The following FIGN variants were observed in gnomAD, a reference collection of about 807,000 sequenced individuals.
FIGN encodes the protein fidgetin.
FIGN carries 11 observed loss-of-function variants against 51.3 expected under a neutral mutation model. That is an observed-to-expected ratio of 0.21 (90% CI 0.13 to 0.35). The LOEUF (loss-of-function observed/expected upper bound fraction) is 0.35, where lower values mean the gene tolerates loss of function less well. Ranked by LOEUF, FIGN falls within the 10% of genes least tolerant of loss-of-function variation. The pLI is 1.00. For synonymous variants in FIGN, 407 were observed against 363.2 expected, an observed-to-expected ratio of 1.12 and a Z score of -1.37; for missense variants, 857 against 943.6, an observed-to-expected ratio of 0.91 and a Z score of 1.20.
At chr2:163,711,109 G>A (rs1684581721) in intron 2 of FIGN, among the ~76,000 whole-genome samples, 1 of 152,050 alleles carries the variant, frequency 6.6e-6, no homozygotes, top group Non-Finnish European at 1.5e-5. Context: ...TACTCCAAAG[G>A]CATTCCCTGT....
chr2:163,665,758 A>G (rs1683762850), intron 2 of FIGN, among the ~76,000 whole-genome samples: 1 of 152,214 alleles, frequency 6.6e-6, no homozygotes, highest in Admixed American at 6.5e-5. Context: ...GGCTTTTGAC[A>G]ACAGAAAATC....
At chr2:163,660,489 A>T (rs1366943995) in intron 2 of FIGN, among the ~76,000 whole-genome samples, 1 of 151,736 alleles carries the variant, frequency 6.6e-6, no homozygotes, top group South Asian at 2.1e-4. Context: ...TACCTGCAAC[A>T]TACAAAGAGA....
At chr2:163,614,968 A>G (rs1034418396) in intron 2 of FIGN, among the ~76,000 whole-genome samples, 2 of 152,170 alleles carry the variant, frequency 1.3e-5, no homozygotes, top group African/African-American at 4.8e-5. Context: ...GTTTAAATAG[A>G]GTGTCCATTT....
rs142442011 is a variant in FIGN, at chr2:163,621,926, C to T, written c.26-10120G>A. Among the ~76,000 whole-genome samples the T allele has an allele frequency of 5.0e-3, 761 of 152,204 alleles. 4 individuals are homozygous for T. The highest frequency in any genetic ancestry group is 8.8e-3 in the Admixed American group (134 of 15,268). On this transcript the variant is annotated intron_variant, in intron 2 of 2. Coordinates refer to ENST00000333129, the MANE Select transcript of FIGN (RefSeq NM_018086.4). Reference sequence around the variant, plus strand: ...GAGACTGCAAGTAAAGAAATTGTTTCTTGAGATCCCATCTCTGCACAATTT... The same window carrying T: ...GAGACTGCAAGTAAAGAAATTGTTTTTTGAGATCCCATCTCTGCACAATTT...
chr2:163,726,799 T>C (rs1041561987), intron 2 of FIGN, among the ~76,000 whole-genome samples: 3 of 152,094 alleles, frequency 2.0e-5, no homozygotes, highest in Non-Finnish European at 4.4e-5. Context: ...AAGCACTTAG[T>C]TTGCAAACAA....
At chr2:163,658,831 C>T (rs1683606099) in intron 2 of FIGN, among the ~76,000 whole-genome samples, 1 of 152,184 alleles carries the variant, frequency 6.6e-6, no homozygotes, top group South Asian at 2.1e-4. Flanking sequence ...CATATCCAAA[C>T]CACAGTGCTT....
At position 163,610,179 on chromosome 2, in the gene FIGN, G is replaced by A. The variant is rs1019669114; in HGVS notation, c.1653C>T (p.Ala551=). ...SQLGATFFKI[A]GSGLVAKWLG... is the part of the protein sequence containing the mutation. ...ACCACTTGGCGACTAGTCCAGAACC[G>A]GCAATTTTGAAAAATGTGGCCCCCA... Residue 551 remains alanine, a synonymous_variant, in exon 3 of 3, where the codon GCC becomes GCT. Coordinates refer to ENST00000333129, the MANE Select transcript of FIGN (RefSeq NM_018086.4). The A allele has an allele frequency of 6.2e-6, 10 of 1,614,052 alleles. No individual in the cohort carries two copies. Among genetic ancestry groups the A allele is most frequent in the East Asian group, 4.5e-5 (2 of 44,846 alleles).
chr2:163,632,831 A>G (rs1401041325), intron 2 of FIGN, among the ~76,000 whole-genome samples: 1 of 152,136 alleles, frequency 6.6e-6, no homozygotes, highest in Non-Finnish European at 1.5e-5. Flanking sequence ...CTACTAATTT[A>G]TGATTAAAAG....
chr2:163,618,804 C>T (rs1285595798), intron 2 of FIGN, among the ~76,000 whole-genome samples: 1 of 152,148 alleles, frequency 6.6e-6, no homozygotes, highest in Non-Finnish European at 1.5e-5. Context: ...TACCAGGTCA[C>T]ACAGGCATTT....
intron 2 of FIGN, among the ~76,000 whole-genome samples, chr2:163,730,238 T>C (rs1684904465): frequency 6.6e-6 from 1 of 152,200 alleles, no homozygotes; most frequent in Non-Finnish European, 1.5e-5. Context: ...TGAAAGAAAA[T>C]TGCCATTTAA....
chr2:163,729,810 T>C (rs1684897102), intron 2 of FIGN, among the ~76,000 whole-genome samples: 1 of 152,198 alleles, frequency 6.6e-6, no homozygotes, highest in Non-Finnish European at 1.5e-5. Context: ...TACATCTAAA[T>C]TGAAATTCTC....
At chr2:163,727,027 C>A (rs910345695) in intron 2 of FIGN, among the ~76,000 whole-genome samples, 1 of 151,420 alleles carries the variant, frequency 6.6e-6, no homozygotes, top group Admixed American at 6.6e-5. Context: ...TGAATCATAC[C>A]GAATTAAGAT....
chr2:163,693,876 A>G (rs1304125152), intron 2 of FIGN, among the ~76,000 whole-genome samples: 1 of 152,210 alleles, frequency 6.6e-6, no homozygotes, highest in Non-Finnish European at 1.5e-5. Context: ...TACCACATCA[A>G]ACAAACTGAG....
intron 2 of FIGN, among the ~76,000 whole-genome samples, chr2:163,672,353 GA>G (rs1683890620): frequency 6.6e-6 from 1 of 152,032 alleles, no homozygotes; most frequent in Admixed American, 6.6e-5. Context: ...GTAACTCTAT[GA>G]TATAAGCTTC....
intron 2 of FIGN, among the ~76,000 whole-genome samples, chr2:163,711,955 C>T (rs1168183720): frequency 6.6e-6 from 1 of 152,048 alleles, no homozygotes; most frequent in African/African-American, 2.4e-5. Context: ...CTGGAATAAG[C>T]ATGAAAGCTG....
intron 2 of FIGN, among the ~76,000 whole-genome samples, chr2:163,625,268 G>A (rs1001974842): frequency 1.3e-5 from 2 of 151,822 alleles, no homozygotes; most frequent in African/African-American, 2.4e-5. Context: ...TTATCATTAA[G>A]AGGAAAAATG....
chr2:163,725,313 G>T (rs779200749), intron 2 of FIGN, among the ~76,000 whole-genome samples: 2 of 152,026 alleles, frequency 1.3e-5, no homozygotes, highest in African/African-American at 4.8e-5. Flanking sequence ...TACACAGCTA[G>T]GTAGGTAGGA....
chr2:163,628,126 T>C (rs1321056537), intron 2 of FIGN, among the ~76,000 whole-genome samples: 1 of 152,178 alleles, frequency 6.6e-6, no homozygotes, highest in Non-Finnish European at 1.5e-5. Flanking sequence ...CCTACTATTA[T>C]GTGAGAATCT....
chr2:163,609,870 G>C lies in FIGN; in HGVS notation c.1962C>G (p.Asp654Glu). ...CTATTATCTGGTGCCTCGCTGTGCT[G>C]TCAGGAAGTGGGATTAAAAGTCGTT... ...FMKRLLIPLPDSTARHQIIVQ... is the reference protein window; with the variant it reads ...FMKRLLIPLPESTARHQIIVQ... Residue 654 changes from aspartate (D) to glutamate (E), a missense_variant, in exon 3 of 3, where the codon GAC (aspartate) becomes GAG (glutamate). By Grantham distance (45) the Asp-to-Glu change is conservative. Transcript: ENST00000333129. 1 of 1,614,168 alleles carries C rather than the reference G, an allele frequency of 6.2e-7. No individual in the cohort carries two copies.
Sources: gnomAD v4.1 joint callset for allele counts (sites outside exome capture counted in the v4.1 genomes callset) on GRCh38, gnomAD v4.1.1 for gene constraint, MANE v1.5 for transcripts, NCBI Gene and HGNC (gene_info 2026-07-23, HGNC 2026-07-21) for gene names.